The following KIAA0825 variants were observed in gnomAD, a reference collection of about 807,000 sequenced individuals.
KIAA0825 encodes the protein KIAA0825.
In KIAA0825, 119 loss-of-function variants were observed where a neutral mutation model predicts 147.6. The observed-to-expected ratio is 0.81, with a 90% CI of 0.69 to 0.94. The LOEUF (loss-of-function observed/expected upper bound fraction) is 0.94, where lower values mean the gene tolerates loss of function less well. KIAA0825 is among the 40% of genes least tolerant of loss of function. The probability of loss-of-function intolerance (pLI) is 0.00; values close to 1 mark genes in which losing one functional copy is unlikely to be tolerated. For missense variants in KIAA0825, 1,381 were observed against 1,472.7 expected (o/e 0.94, Z 1.02); for synonymous variants, 470 against 518.1 (o/e 0.91, Z 1.26).
At chr5:94,356,328 C>T (rs560147790) in intron 20 of KIAA0825, among the ~76,000 whole-genome samples, 1 of 152,156 alleles carries the variant, frequency 6.6e-6, no homozygotes, top group South Asian at 2.1e-4. Context: ...TGAACTACAG[C>T]CGGGAGCGGT....
At chr5:94,332,599 CA>C (rs1781399209) in intron 20 of KIAA0825, among the ~76,000 whole-genome samples, 1 of 152,094 alleles carries the variant, frequency 6.6e-6, no homozygotes, top group African/African-American at 2.4e-5. Flanking sequence ...GTATATGTGC[CA>C]CATTTTCTTT....
chr5:94,594,745 G>T, intron 1 of KIAA0825: 2 of 623,846 alleles, frequency 3.2e-6, no homozygotes, highest in East Asian at 3.8e-5. Flanking sequence ...AAGGATGCTT[G>T]GATGGACTAC....
chr5:94,523,858 G>C, intron 4 of KIAA0825, 72 bp downstream of exon 4: 1 of 989,324 alleles, frequency 1.0e-6, no homozygotes, highest in Non-Finnish European at 1.4e-6. Context: ...AAATATTTAC[G>C]TATAGAAATT....
intron 20 of KIAA0825, among the ~76,000 whole-genome samples, chr5:94,165,569 C>A (rs1275520592): frequency 1.3e-5 from 2 of 152,146 alleles, no homozygotes; most frequent in Non-Finnish European, 2.9e-5. Context: ...ATGTTCATTG[C>A]AGCACTGCTT....
chr5:94,472,621 T>G (rs542567432), intron 8 of KIAA0825, among the ~76,000 whole-genome samples: 177 of 152,038 alleles, frequency 1.2e-3, no homozygotes, highest in Non-Finnish European at 1.9e-3. Flanking sequence ...GCGGGCGCCT[T>G]TAGTCCCAGC....
chr5:94,547,813 G>A (rs948075670), intron 2 of KIAA0825, among the ~76,000 whole-genome samples: 2 of 150,932 alleles, frequency 1.3e-5, no homozygotes, highest in African/African-American at 2.4e-5. Context: ...ATGTCTGGCA[G>A]CAGACTTTGA....
At chr5:94,559,897 T>C (rs1440708974) in intron 2 of KIAA0825, among the ~76,000 whole-genome samples, 2 of 152,166 alleles carry the variant, frequency 1.3e-5, no homozygotes, top group African/African-American at 4.8e-5. Flanking sequence ...GAAACAGAAA[T>C]GGCCCTGCAA....
chr5:94,280,143 G>A (rs13153743), intron 20 of KIAA0825, among the ~76,000 whole-genome samples: 4,144 of 152,054 alleles, frequency 0.027, 83 homozygotes, highest in Middle Eastern at 0.044. Flanking sequence ...ACTGGAGTTC[G>A]GAACACTAGT....
intron 1 of KIAA0825, among the ~76,000 whole-genome samples, chr5:94,583,758 A>G (rs943543886): frequency 7.4e-4 from 113 of 152,268 alleles, no homozygotes; most frequent in African/African-American, 2.7e-3. Context: ...GCCTGACTGG[A>G]AGACATCTCC....
intron 20 of KIAA0825, among the ~76,000 whole-genome samples, chr5:94,166,364 A>G (rs1768029946): frequency 6.6e-6 from 1 of 152,156 alleles, no homozygotes; most frequent in African/African-American, 2.4e-5. Flanking sequence ...CAGTGGTAAT[A>G]AAAGGCATCA....
At chr5:94,476,829 A>T (rs541984659) in intron 7 of KIAA0825, among the ~76,000 whole-genome samples, 1 of 152,256 alleles carries the variant, frequency 6.6e-6, no homozygotes, top group South Asian at 2.1e-4. Context: ...AATTATCTAT[A>T]GCCCACATCC....
chr5:94,320,475 C>A (rs966684098), intron 20 of KIAA0825, among the ~76,000 whole-genome samples: 1 of 151,658 alleles, frequency 6.6e-6, no homozygotes, highest in Non-Finnish European at 1.5e-5. Flanking sequence ...TCTTCATCCA[C>A]CCCCCTCACC....
intron 18 of KIAA0825, 65 bp downstream of exon 18, chr5:94,391,470 T>G (rs1749884025): frequency 2.0e-6 from 3 of 1,502,696 alleles, no homozygotes; most frequent in Non-Finnish European, 2.7e-6. Flanking sequence ...AACCCTTAGC[T>G]GCCAGCAGAC....
intron 14 of KIAA0825, among the ~76,000 whole-genome samples, chr5:94,430,418 A>C (rs1032738075): frequency 1.3e-5 from 2 of 152,204 alleles, no homozygotes; most frequent in Admixed American, 6.5e-5. Flanking sequence ...ATCCTCACAA[A>C]GTCTCTTGTT....
chr5:94,542,362 T>C (rs569321855), intron 2 of KIAA0825, among the ~76,000 whole-genome samples: 6 of 152,350 alleles, frequency 3.9e-5, no homozygotes, highest in African/African-American at 1.2e-4. Context: ...TTTTGAGCTA[T>C]TTATAGCTTT....
chr5:94,478,527 C>A (rs1762153946), intron 6 of KIAA0825, among the ~76,000 whole-genome samples: 1 of 151,428 alleles, frequency 6.6e-6, no homozygotes. Flanking sequence ...ATTAACTAAT[C>A]CAATGGACTG....
intron 2 of KIAA0825, among the ~76,000 whole-genome samples, chr5:94,573,117 CTTGGGGGGG>C (rs1353966521): frequency 3.3e-5 from 2 of 61,448 alleles, no homozygotes; most frequent in African/African-American, 6.6e-5. Flanking sequence ...CAACTCAAAG[CTTGGGGGGG>C]TTGGGGGGGT....
At chr5:94,566,018 C>T (rs1323604668) in intron 2 of KIAA0825, among the ~76,000 whole-genome samples, 3 of 152,174 alleles carry the variant, frequency 2.0e-5, no homozygotes, top group Non-Finnish European at 4.4e-5. Context: ...TAAGTGAGAA[C>T]ATGCCATATC....
At chr5:94,201,423 A>G (rs75747184) in intron 20 of KIAA0825, among the ~76,000 whole-genome samples, 2 of 152,000 alleles carry the variant, frequency 1.3e-5, no homozygotes, top group Non-Finnish European at 1.5e-5. Flanking sequence ...TTAAAAAAAA[A>G]TTAAGACACG....
Sources: gnomAD v4.1 joint callset for allele counts (sites outside exome capture counted in the v4.1 genomes callset) on GRCh38, gnomAD v4.1.1 for gene constraint, MANE v1.5 for transcripts, NCBI Gene and HGNC (gene_info 2026-07-23, HGNC 2026-07-21) for gene names.